Variants in IFT43 observed in about 807,000 individuals in gnomAD.
IFT43 encodes the protein intraflagellar transport 43.
A neutral mutation model predicts 32.3 loss-of-function variants in IFT43; 33 were observed. The observed-to-expected ratio is 1.02, with a 90% confidence interval of 0.77 to 1.37. IFT43 has a LOEUF of 1.37. Ranked by LOEUF, IFT43 falls within the 40% of genes most tolerant of loss-of-function variation. The pLI is 0.00. For synonymous variants in IFT43, 93 were observed against 98.2 expected (o/e 0.95, Z 0.31); for missense variants, 274 against 265.9 (o/e 1.03, Z -0.21).
chr14:76,041,963 CCT>C (rs969676227), intron 3 of IFT43, among the ~76,000 whole-genome samples: 2 of 152,086 alleles, frequency 1.3e-5, no homozygotes, highest in Admixed American at 1.3e-4. Flanking sequence ...TTATCTGTCC[CCT>C]GAGTTTTTTT....
intron 3 of IFT43, among the ~76,000 whole-genome samples, chr14:76,031,243 C>T (rs1320415796): frequency 1.3e-5 from 2 of 152,006 alleles, no homozygotes; most frequent in Non-Finnish European, 2.9e-5. Context: ...TGCTGATCCA[C>T]GTGGAATTTA....
rs76573968 is a variant in IFT43, at chr14:76,032,492, C to T, written c.215+10098C>T. 5.4e-4 allele frequency among the ~76,000 whole-genome samples: 82 copies of T among 152,346 alleles called. No homozygotes were observed. In the East Asian group the frequency reaches 0.013, roughly 25 times the overall value. On this transcript the variant is annotated intron_variant, in intron 3 of 8. Coordinates refer to ENST00000314067, the MANE Select transcript of IFT43 (RefSeq NM_001102564.3). ...CTTTACATAAAGTAGCACCCCTCAT[C>T]GCTCTGTGGTCCCCATTGCCTGCTT...
At position 75,995,619 on chromosome 14, in the gene IFT43, C is replaced by T. The variant is rs557857225; in HGVS notation, c.147+6642C>T. On this transcript the variant is annotated intron_variant, in intron 2 of 8. Coordinates refer to ENST00000314067, the MANE Select transcript of IFT43 (RefSeq NM_001102564.3). ...TTACGTCTCTCGCCCTCCGCCTGTC[C>T]CCTTACTGGTCTGCCAGCCAGGCAG... Among the ~76,000 whole-genome samples, 48 of 152,282 alleles carry T rather than the reference C, an allele frequency of 3.2e-4. 1 individual carries two copies. In the East Asian group the frequency reaches 7.9e-3, roughly 25 times the overall value.
chr14:75,993,470 C>T (rs1280106764), intron 2 of IFT43, among the ~76,000 whole-genome samples: 2 of 152,202 alleles, frequency 1.3e-5, no homozygotes, highest in Non-Finnish European at 2.9e-5. Context: ...CAGATTTACT[C>T]ACATTTGATC....
chr14:76,058,419 A>G, intron 3 of IFT43: 1 of 494,928 alleles, frequency 2.0e-6, no homozygotes, highest in Non-Finnish European at 3.6e-6. Context: ...ACTCTCAACA[A>G]TCCAATTTGG....
intron 1 of IFT43, chr14:75,986,108 C>G: frequency 6.9e-7 from 1 of 1,440,528 alleles, no homozygotes; most frequent in Non-Finnish European, 9.2e-7. Context: ...AATTTCCGAG[C>G]CTTTCTCCGT....
At chr14:76,019,212 A>G (rs566831938) in intron 2 of IFT43, among the ~76,000 whole-genome samples, 3 of 151,842 alleles carry the variant, frequency 2.0e-5, no homozygotes, top group South Asian at 2.1e-4. Context: ...TGTTTTCATG[A>G]TGGTATATAT....
intron 2 of IFT43, among the ~76,000 whole-genome samples, chr14:76,011,640 GCTTT>G (rs368442781): frequency 1.3e-5 from 2 of 152,260 alleles, no homozygotes; most frequent in African/African-American, 4.8e-5. Flanking sequence ...CTGATGATCA[GCTTT>G]CTTTCTTATA....
At position 76,059,285 on chromosome 14, in the gene IFT43, A is replaced by G. The variant is rs45491694; in HGVS notation, c.249-42A>G. 1,335 of 1,613,770 alleles carry G rather than the reference A, an allele frequency of 8.3e-4. 7 individuals are homozygous for G. Among genetic ancestry groups the G allele is most frequent in the South Asian group, 3.6e-3 (328 of 91,064 alleles). Reference sequence around the variant, plus strand: ...TTTGGGATGTTCCTTTCCGTGTTTGAAACTCATTTTTTGCTGTCCTTTTCT... The same window carrying G: ...TTTGGGATGTTCCTTTCCGTGTTTGGAACTCATTTTTTGCTGTCCTTTTCT... On this transcript the variant is annotated intron_variant, in intron 4 of 8. Transcript: ENST00000314067.
At position 76,036,408 on chromosome 14, in the gene IFT43, C is replaced by CTT. The variant is rs3086747; in HGVS notation, c.215+14030_215+14031dup. On this transcript the variant is annotated intron_variant, in intron 3 of 8. Coordinates refer to ENST00000314067, the MANE Select transcript of IFT43 (RefSeq NM_001102564.3). ...TTGTTCTTTCGTTCTTTCTGTCTTT[C>CTT]TTTTTTTTTTTTTTTTTGGTGGAGT... Among the ~76,000 whole-genome samples the CTT allele has an allele frequency of 7.4e-3, 889 of 119,716 alleles. 7 individuals are homozygous for CTT. The highest frequency in any genetic ancestry group is 0.011 in the Non-Finnish European group (643 of 58,502). The allele number at this position is 119,716 out of a possible 152,430, so 78.5% of individuals were successfully genotyped here.
intron 2 of IFT43, among the ~76,000 whole-genome samples, chr14:76,009,564 A>G (rs1044135192): frequency 2.6e-5 from 4 of 152,060 alleles, no homozygotes; most frequent in African/African-American, 7.3e-5. Flanking sequence ...GCTTAAATGG[A>G]TAAGTGTTTG....
chr14:76,055,534 G>C (rs1270268207), intron 3 of IFT43, among the ~76,000 whole-genome samples: 1 of 152,086 alleles, frequency 6.6e-6, no homozygotes, highest in Non-Finnish European at 1.5e-5. Context: ...AGCTGGTGGT[G>C]CGCCACTAAA....
chr14:75,989,756 GA>G (rs1020622426), intron 2 of IFT43, among the ~76,000 whole-genome samples: 2 of 152,116 alleles, frequency 1.3e-5, no homozygotes, highest in Non-Finnish European at 2.9e-5. Context: ...CAGACAGCAG[GA>G]AACCTGGCTT....
chr14:76,023,183 G>C (rs1045529976), intron 3 of IFT43, among the ~76,000 whole-genome samples: 1 of 152,214 alleles, frequency 6.6e-6, no homozygotes, highest in African/African-American at 2.4e-5. Flanking sequence ...GTTTACCATG[G>C]CTGAGCACCT....
chr14:76,027,623 G>GGT (rs1333811973), intron 3 of IFT43, among the ~76,000 whole-genome samples: 1 of 151,416 alleles, frequency 6.6e-6, no homozygotes, highest in Non-Finnish European at 1.5e-5. Context: ...GCAGGAGAAT[G>GGT]GTGTGAACCC....
intron 2 of IFT43, among the ~76,000 whole-genome samples, chr14:76,010,322 A>G (rs1023220108): frequency 2.0e-5 from 3 of 152,170 alleles, no homozygotes; most frequent in African/African-American, 4.8e-5. Flanking sequence ...AGAATGTCCC[A>G]TTGTTTTTCA....
intron 5 of IFT43, among the ~76,000 whole-genome samples, chr14:76,079,230 T>C (rs2037465170): frequency 6.6e-6 from 1 of 152,220 alleles, no homozygotes; most frequent in African/African-American, 2.4e-5. Context: ...AGCTGCTTAA[T>C]CTTGCTTAGC....
At chr14:76,071,814 T>TGCCAAACCCAGAACAC (rs2037325867) in intron 5 of IFT43, among the ~76,000 whole-genome samples, 4 of 152,042 alleles carry the variant, frequency 2.6e-5, no homozygotes. Context: ...CCTAAGAATT[T>TGCCAAACCCAGAACAC]AGCGAGTGGC....
intron 3 of IFT43, among the ~76,000 whole-genome samples, chr14:76,033,383 G>A (rs2036542689): frequency 6.6e-6 from 1 of 152,226 alleles, no homozygotes; most frequent in Non-Finnish European, 1.5e-5. Context: ...AGGAGAGATT[G>A]ATTGACCTTG....
Sources: gnomAD v4.1 joint callset for allele counts (sites outside exome capture counted in the v4.1 genomes callset) on GRCh38, gnomAD v4.1.1 for gene constraint, MANE v1.5 for transcripts, NCBI Gene and HGNC (gene_info 2026-07-23, HGNC 2026-07-21) for gene names.